The following ELL variants were observed in gnomAD, a reference collection of about 807,000 sequenced individuals.
The protein encoded by ELL is RNA polymerase II elongation factor ELL.
In ELL, 18 loss-of-function variants were observed where a neutral mutation model predicts 64.0. That is an observed-to-expected ratio of 0.28 (90% CI 0.19 to 0.42). ELL has a LOEUF of 0.42. Ranked by LOEUF, ELL falls within the 10% of genes least tolerant of loss-of-function variation. The probability of loss-of-function intolerance (pLI) is 1.00; values close to 1 mark genes in which losing one functional copy is unlikely to be tolerated. For missense variants in ELL, 797 were observed against 870.4 expected (o/e 0.92, Z 1.06); for synonymous variants, 399 against 376.2 (o/e 1.06, Z -0.70).
intron 8 of ELL, among the ~76,000 whole-genome samples, chr19:18,447,177 C>T (rs1413470412): frequency 6.6e-6 from 1 of 152,232 alleles, no homozygotes; most frequent in African/African-American, 2.4e-5. Context: ...TCAGAGCTTC[C>T]CCCAGGCCAG....
intron 1 of ELL, among the ~76,000 whole-genome samples, chr19:18,482,078 C>T (rs1975310518): frequency 6.6e-6 from 1 of 152,056 alleles, no homozygotes; most frequent in South Asian, 2.1e-4. Context: ...AGTGACAGCT[C>T]GTGGAGGTTC....
chr19:18,475,981 C>T (rs7256534), intron 1 of ELL: 70,836 of 152,110 alleles, frequency 0.47, 19,077 homozygotes, highest in African/African-American at 0.76. Context: ...TTTCAATGCA[C>T]GAGTGAAAGG....
intron 2 of ELL, among the ~76,000 whole-genome samples, chr19:18,470,600 C>A (rs1975044431): frequency 6.6e-6 from 1 of 152,264 alleles, no homozygotes; most frequent in African/African-American, 2.4e-5. Context: ...GGCTAGGCTG[C>A]AGCCCCTGGA....
At chr19:18,463,847 G>T (rs886262213) in intron 4 of ELL, among the ~76,000 whole-genome samples, 11 of 152,064 alleles carry the variant, frequency 7.2e-5, no homozygotes, top group African/African-American at 2.4e-4. Flanking sequence ...TTAGCCGGGC[G>T]TGGTGGCAGG....
At chr19:18,461,299 G>A (rs1974808810) in intron 5 of ELL, among the ~76,000 whole-genome samples, 1 of 152,254 alleles carries the variant, frequency 6.6e-6, no homozygotes, top group South Asian at 2.1e-4. Context: ...CACGGCCCGT[G>A]TGTCAGCAGA....
intron 11 of ELL, 78 bp from the exon 12 acceptor site, chr19:18,444,946 C>A (rs573571563): frequency 1.4e-6 from 2 of 1,480,034 alleles, no homozygotes; most frequent in Middle Eastern, 2.5e-4. Context: ...CAGTGTCCCC[C>A]CCAAACCAAA....
At chr19:18,475,640 C>T (rs1975159552) in intron 1 of ELL, among the ~76,000 whole-genome samples, 1 of 152,160 alleles carries the variant, frequency 6.6e-6, no homozygotes, top group South Asian at 2.1e-4. Flanking sequence ...TACAGAGGAC[C>T]ATGCCAAGTG....
At chr19:18,497,924 T>A (rs1384797911) in intron 1 of ELL, among the ~76,000 whole-genome samples, 2 of 146,386 alleles carry the variant, frequency 1.4e-5, no homozygotes, top group Non-Finnish European at 3.0e-5. Flanking sequence ...AGGTCGGGAG[T>A]TCGAGACCAG....
chr19:18,443,610 G>A lies in ELL; in HGVS notation c.*1142C>T, dbSNP rs1193080185. The A allele has an allele frequency of 1.3e-5, 3 of 233,340 alleles. No individual in the cohort carries two copies. The highest frequency in any genetic ancestry group is 1.8e-4 in the South Asian group (1 of 5,534). 14.5% of individuals were successfully genotyped at this position (233,340 alleles called of 1,614,324 possible). A position where few individuals can be genotyped will look rare whatever the true frequency, so the allele number is the denominator to read the frequency against. ...CGCACACTCACACACCCACACTTGC[G>A]TGGCCCCCCGATGCTTTGGGGGACA... On this transcript the variant is annotated 3_prime_UTR_variant, in exon 12 of 12. Coordinates refer to ENST00000262809, the MANE Select transcript of ELL (RefSeq NM_006532.4).
intron 1 of ELL, among the ~76,000 whole-genome samples, chr19:18,504,389 C>T (rs1416213626): frequency 6.6e-6 from 1 of 152,200 alleles, no homozygotes; most frequent in Admixed American, 6.5e-5. Flanking sequence ...GCTTGCTTTG[C>T]TAAATTTCCC....
At chr19:18,475,634 G>T (rs1472142378) in intron 1 of ELL, among the ~76,000 whole-genome samples, 1 of 152,180 alleles carries the variant, frequency 6.6e-6, no homozygotes, top group African/African-American at 2.4e-5. Context: ...ATGGAATACA[G>T]AGGACCATGC....
At chr19:18,502,532 C>T (rs556235849) in intron 1 of ELL, among the ~76,000 whole-genome samples, 9 of 152,340 alleles carry the variant, frequency 5.9e-5, no homozygotes, top group African/African-American at 1.9e-4. Context: ...CAGGAGCAGA[C>T]GTTTATAACT....
intron 1 of ELL, among the ~76,000 whole-genome samples, chr19:18,504,711 G>A (rs2144968586): frequency 6.6e-6 from 1 of 152,290 alleles, no homozygotes; most frequent in Admixed American, 6.5e-5. Flanking sequence ...TCCCTGCCAA[G>A]GCCCGAGAGT....
intron 1 of ELL, among the ~76,000 whole-genome samples, chr19:18,494,554 C>T (rs1027375800): frequency 2.0e-5 from 3 of 152,106 alleles, no homozygotes; most frequent in African/African-American, 7.2e-5. Flanking sequence ...CCACACCTGA[C>T]TAATTTTTGT....
chr19:18,472,163 G>A (rs1027715527), intron 2 of ELL, among the ~76,000 whole-genome samples: 7 of 151,962 alleles, frequency 4.6e-5, no homozygotes, highest in South Asian at 2.1e-4. Flanking sequence ...GTTTCTCTAC[G>A]TTGGTCAGGC....
intron 1 of ELL, among the ~76,000 whole-genome samples, chr19:18,519,625 G>A (rs1332537410): frequency 1.3e-5 from 2 of 152,112 alleles, no homozygotes; most frequent in African/African-American, 4.8e-5. Flanking sequence ...TGGCCAACAT[G>A]GCAAAACCCT....
chr19:18,502,344 A>G (rs1053899483), intron 1 of ELL, among the ~76,000 whole-genome samples: 1 of 151,822 alleles, frequency 6.6e-6, no homozygotes, highest in African/African-American at 2.4e-5. Context: ...AGCACCAACT[A>G]CGTCTTCTGA....
chr19:18,465,703 A>G (rs1461162900), intron 3 of ELL, 94 bp downstream of exon 3: 2 of 1,460,826 alleles, frequency 1.4e-6, no homozygotes, highest in Admixed American at 2.5e-5. Flanking sequence ...CTCAGGCAAT[A>G]TGGTTTCAAT....
chr19:18,497,035 G>A (rs773152839), intron 1 of ELL, among the ~76,000 whole-genome samples: 6 of 152,156 alleles, frequency 3.9e-5, no homozygotes, highest in Non-Finnish European at 4.4e-5. Flanking sequence ...ATAATTGCAC[G>A]CCTTGGTATT....
Sources: allele counts gnomAD v4.1 joint callset (sites outside exome capture counted in the v4.1 genomes callset), GRCh38; gene constraint gnomAD v4.1.1; transcripts MANE v1.5; gene names NCBI Gene and HGNC (gene_info 2026-07-23, HGNC 2026-07-21).